The following PKDREJ variants were observed in gnomAD, a reference collection of about 807,000 sequenced individuals.
The protein encoded by PKDREJ is polycystin family receptor for egg jelly.
For synonymous variants in PKDREJ, 1,031 were observed against 1,095.5 expected (o/e 0.94, Z 1.16); for missense variants, 2,507 against 2,807.2 (o/e 0.89, Z 2.42).
In PKDREJ at chr22:46,261,993, A is replaced by AT; in HGVS notation, c.1329_1330insA (p.Ser444IlefsTer2). 6.2e-7 allele frequency: 1 copy of AT among 1,614,110 alleles called. No individual in the cohort carries two copies. The highest frequency in any genetic ancestry group is 8.5e-7 in the Non-Finnish European group (1 of 1,180,014). On this transcript the variant is annotated frameshift_variant, in exon 1 of 1. Coordinates refer to ENST00000253255, the MANE Select transcript of PKDREJ (RefSeq NM_006071.2). LOFTEE classifies it low-confidence loss of function (END_TRUNC). This position sits in a 1 kb window ranked among gnomAD's most constrained non-coding sequence, Gnocchi z 7.1. ...TGGAGCACGTGGACCCTCTTATCAGAAAACGCTGTCCTAGAGTCCTTCCGA... is the reference window on the plus strand; with the variant it reads ...TGGAGCACGTGGACCCTCTTATCAGATAAACGCTGTCCTAGAGTCCTTCCGA...
At position 46,256,612 on chromosome 22, in the gene PKDREJ, C is replaced by T. The variant is rs1385980142; in HGVS notation, c.6711G>A (p.Gly2237=). Residue 2237 remains glycine, a synonymous_variant, in exon 1 of 1, where the codon GGG becomes GGA. Coordinates refer to ENST00000253255, the MANE Select transcript of PKDREJ (RefSeq NM_006071.2). This position sits in a 1 kb window ranked among gnomAD's most constrained non-coding sequence, Gnocchi z 5.3. The part of the protein sequence containing the change: ...QPEKNSHRYL[G]LKTRNINGKK... ...TCCCGTTGATGTTTCTGGTCTTCAG[C>T]CCCAGATAACGGTGGCTGTTCTTCT... The T allele has an allele frequency of 3.1e-6, 5 of 1,614,084 alleles. No individual in the cohort carries two copies. Among genetic ancestry groups the T allele is most frequent in the Non-Finnish European group, 4.2e-6 (5 of 1,179,998 alleles).
Position 46,260,509 on chromosome 22 carries a change from A to G in PKDREJ, c.2814T>C (p.Asp938=), listed in dbSNP as rs768201633. 2.5e-6 allele frequency: 4 copies of G among 1,614,068 alleles called. No individual in the cohort carries two copies. The highest frequency in any genetic ancestry group is 3.4e-6 in the Non-Finnish European group (4 of 1,180,034). The change falls in exon 1 of 1, where the codon GAT becomes GAC. Residue 938 remains aspartate (D), a synonymous_variant. Transcript: ENST00000253255. The surrounding 1 kb of genome is among the most constrained non-coding windows in gnomAD (Gnocchi z 4.5). ...VSGFRMTGVA[D]NGSVLEITPD... ...GTGTGATCTCTAGCACACTACCGTT[A>G]TCTGCAACTCCTGTCATTCTGAATC...
rs1010594431 is a variant in PKDREJ at position 46,260,123 on chromosome 22, G to A, written c.3200C>T (p.Ala1067Val). 45 of 1,613,582 alleles carry A rather than the reference G, an allele frequency of 2.8e-5. No homozygotes were observed. Among genetic ancestry groups the A allele is most frequent in the Non-Finnish European group, 3.6e-5 (43 of 1,179,798 alleles). Residue 1067 changes from alanine to valine, a missense_variant, in exon 1 of 1, where the codon GCT becomes GTT. Transcript: ENST00000253255. This position sits in a 1 kb window ranked among gnomAD's most constrained non-coding sequence, Gnocchi z 4.5. ...CLPVSLLQLI[A>V]QHSHSPHCTV... ...ACAGTGGGGAGAGTGGCTGTGCTGAGCTATGAGTTGCAGCAGGGACACAGG... is the reference window on the plus strand; with the variant it reads ...ACAGTGGGGAGAGTGGCTGTGCTGAACTATGAGTTGCAGCAGGGACACAGG...
At position 46,257,459 on chromosome 22, in the gene PKDREJ, GC is replaced by G. The variant is rs1315404644; in HGVS notation, c.5863del (p.Ala1955LeufsTer22). 1 of 1,613,934 alleles carries G rather than the reference GC, an allele frequency of 6.2e-7. No individual in the cohort carries two copies. The highest frequency in any genetic ancestry group is 8.5e-7 in the Non-Finnish European group (1 of 1,180,012). ...TSISLHSFSL[A>X]DFDRKASAEI... The stretch of plus-strand genomic sequence containing the variant: ...TGCTGAAGCTTTTCTGTCAAAATCA[GC>G]AAGTGAAAAAGAGTGCAGAGATATG... On this transcript the variant is annotated frameshift_variant, in exon 1 of 1. Coordinates refer to ENST00000253255, the MANE Select transcript of PKDREJ (RefSeq NM_006071.2). LOFTEE classifies it low-confidence loss of function (END_TRUNC). This position sits in a 1 kb window ranked among gnomAD's most constrained non-coding sequence, Gnocchi z 4.7.
Position 46,258,184 on chromosome 22 carries a change from G to A in PKDREJ, c.5139C>T (p.Tyr1713=), listed in dbSNP as rs187147652. Residue 1713 remains tyrosine, a synonymous_variant, in exon 1 of 1, where the codon TAC becomes TAT. Coordinates refer to ENST00000253255, the MANE Select transcript of PKDREJ (RefSeq NM_006071.2). This position sits in a 1 kb window ranked among gnomAD's most constrained non-coding sequence, Gnocchi z 6.1. ...CTAGAAAGATAAAGTGAGTTAGAATGTAACTCAGAAACAGGAGTGCTCTTC... is the reference window on the plus strand; with the variant it reads ...CTAGAAAGATAAAGTGAGTTAGAATATAACTCAGAAACAGGAGTGCTCTTC... ...IKRRALLFLS[Y]ILTHFIFLAL... 10 of 1,613,994 alleles carry A rather than the reference G, an allele frequency of 6.2e-6. No homozygotes were observed. Among genetic ancestry groups the A allele is most frequent in the Non-Finnish European group, 8.5e-6 (10 of 1,179,844 alleles).
rs748473511 is a variant in PKDREJ, at chr22:46,257,734, C to T, written c.5589G>A (p.Thr1863=). 27 of 1,614,034 alleles carry T rather than the reference C, an allele frequency of 1.7e-5. No homozygotes were observed. The South Asian group carries it at 2.6e-4, about 16-fold the overall frequency. Reference sequence around the variant, plus strand: ...GTCCATAGGAATAATATAGCCATTGCGTTCCTTGAGGCTTATAAGTAAATC... The same window carrying T: ...GTCCATAGGAATAATATAGCCATTGTGTTCCTTGAGGCTTATAAGTAAATC... ...TNGFTYKPQG[T]QWLYYSYGLL... is the part of the protein sequence containing the mutation. The change falls in exon 1 of 1, where the codon ACG becomes ACA. Residue 1863 remains threonine, a synonymous_variant. Transcript: ENST00000253255. This position sits in a 1 kb window ranked among gnomAD's most constrained non-coding sequence, Gnocchi z 4.7.
In PKDREJ at chr22:46,257,449, G is replaced by A. The variant is rs748062347; in HGVS notation, c.5874C>T (p.Asp1958=). The A allele has an allele frequency of 6.2e-7, 1 of 1,614,018 alleles. No individual in the cohort carries two copies. Among genetic ancestry groups the A allele is most frequent in the Non-Finnish European group, 8.5e-7 (1 of 1,180,014 alleles). ...AGTAGATTTCTGCTGAAGCTTTTCTGTCAAAATCAGCAAGTGAAAAAGAGT... is the reference window on the plus strand; with the variant it reads ...AGTAGATTTCTGCTGAAGCTTTTCTATCAAAATCAGCAAGTGAAAAAGAGT... ...SLHSFSLADF[D]RKASAEIYLY... The change falls in exon 1 of 1, where the codon GAC becomes GAT. Residue 1958 remains aspartate (D), a synonymous_variant. Transcript: ENST00000253255. The surrounding 1 kb of genome is among the most constrained non-coding windows in gnomAD (Gnocchi z 4.7).
chr22:46,258,612 C>A lies in PKDREJ; in HGVS notation c.4711G>T (p.Val1571Phe). 6.2e-7 allele frequency: 1 copy of A among 1,614,172 alleles called. No homozygotes were observed. The highest frequency in any genetic ancestry group is 8.5e-7 in the Non-Finnish European group (1 of 1,180,026). Residue 1571 changes from valine to phenylalanine, a missense_variant, in exon 1 of 1, where the codon GTC becomes TTC. By Grantham distance (50) the Val-to-Phe change is conservative (BLOSUM62 -1). Transcript: ENST00000253255. The surrounding 1 kb of genome is among the most constrained non-coding windows in gnomAD (Gnocchi z 6.1). ...ACATAAACACACCACCAAGGTAGGA[C>A]GATCCGGGGCTTTTTCTTAAGCTGC... Reference protein sequence around the residue: ...LQQLKKKPRIVLPWWCVYVAW... With the variant: ...LQQLKKKPRIFLPWWCVYVAW...
In PKDREJ at chr22:46,262,926, G is replaced by A. The variant is rs1478104662; in HGVS notation, c.397C>T (p.Pro133Ser). Reference sequence around the variant, plus strand: ...CAGGCCAGGCGCCCGGGCGAGCGCGGCAGCCGCACGGACCACGTCAGGGAG... The same window carrying A: ...CAGGCCAGGCGCCCGGGCGAGCGCGACAGCCGCACGGACCACGTCAGGGAG... ...RLSLTWSVRL[P>S]RSPGRLAWAF... is the part of the protein sequence containing the mutation. The change falls in exon 1 of 1, where the codon CCG (proline) becomes TCG (serine). Residue 133 changes from proline (P) to serine (S), a missense_variant. Physicochemically the swap from Pro to Ser is moderately conservative, Grantham distance 74 (BLOSUM62 -1). Coordinates refer to ENST00000253255, the MANE Select transcript of PKDREJ (RefSeq NM_006071.2). This position sits in a 1 kb window ranked among gnomAD's most constrained non-coding sequence, Gnocchi z 8.1. 16 of 1,081,818 alleles carry A rather than the reference G, an allele frequency of 1.5e-5. No homozygotes were observed. In the South Asian group the frequency reaches 6.5e-4, roughly 44 times the overall value. 67.0% of individuals were successfully genotyped at this position (1,081,818 alleles called of 1,614,324 possible).
Position 46,261,739 on chromosome 22 carries a change from C to G in PKDREJ, c.1584G>C (p.Arg528=). Residue 528 remains arginine, a synonymous_variant, in exon 1 of 1, where the codon CGG becomes CGC. Transcript: ENST00000253255. The surrounding 1 kb of genome is among the most constrained non-coding windows in gnomAD (Gnocchi z 7.1). Reference sequence around the variant, plus strand: ...TCGAAAACTCAGCTTCCAAAAAATGCCGAAAAGCAAAAGCTTTTATAGACA... The same window carrying G: ...TCGAAAACTCAGCTTCCAAAAAATGGCGAAAAGCAAAAGCTTTTATAGACA... The part of the protein sequence containing the change: ...AYLSIKAFAF[R]HFLEAEFSIS... The G allele has an allele frequency of 6.2e-7, 1 of 1,613,952 alleles. No individual in the cohort carries two copies. The highest frequency in any genetic ancestry group is 8.5e-7 in the Non-Finnish European group (1 of 1,179,978).
chr22:46,256,870 G>C lies in PKDREJ; in HGVS notation c.6453C>G (p.Phe2151Leu). Residue 2151 changes from phenylalanine to leucine, a missense_variant, in exon 1 of 1, where the codon TTC becomes TTG. Phe to Leu is a conservative substitution (Grantham distance 22, BLOSUM62 0). Transcript: ENST00000253255. This position sits in a 1 kb window ranked among gnomAD's most constrained non-coding sequence, Gnocchi z 5.3. ...TCATCACCAGCATGAAAGATGAGAG[G>C]AACAGGACCCCCAGAATCCTGTTAT... ...FSNNRILGVL[F>L]LSSFMLVMIC... 1.2e-6 allele frequency: 2 copies of C among 1,614,050 alleles called. No homozygotes were observed. Among genetic ancestry groups the C allele is most frequent in the Non-Finnish European group, 1.7e-6 (2 of 1,180,028 alleles).
chr22:46,262,998 CGGGCGCGGCCGGCCAGGGCAGGCGTT>C lies in PKDREJ; in HGVS notation c.299_324del (p.Gln100ArgfsTer188). ...AGCTGCAGGTCGACGAGCGCGAGCGCGGGCGCGGCCGGCCAGGGCAGGCGTTGGGCGCTGAGCAGGACGCGCAAGTC... is the reference window on the plus strand; with the variant it reads ...AGCTGCAGGTCGACGAGCGCGAGCGCGGGCGCTGAGCAGGACGCGCAAGTC... On this transcript the variant is annotated frameshift_variant, in exon 1 of 1. Coordinates refer to ENST00000253255, the MANE Select transcript of PKDREJ (RefSeq NM_006071.2). LOFTEE classifies it low-confidence loss of function (END_TRUNC). The surrounding 1 kb of genome is among the most constrained non-coding windows in gnomAD (Gnocchi z 8.1). 8.0e-7 allele frequency: 1 copy of C among 1,242,712 alleles called. No homozygotes were observed. The highest frequency in any genetic ancestry group is 1.0e-6 in the Non-Finnish European group (1 of 986,156). 77.0% of individuals were successfully genotyped at this position (1,242,712 alleles called of 1,614,324 possible). A position where few individuals can be genotyped will look rare whatever the true frequency, so the allele number is the denominator to read the frequency against.
rs767741610 is a variant in PKDREJ, at chr22:46,256,590, C to T, written c.6733G>A (p.Gly2245Arg). ...YLGLKTRNIN[G>R]KKMVYLVV ...ACAACAAGGTAAACCATTTTCTTCC[C>T]GTTGATGTTTCTGGTCTTCAGCCCC... Residue 2245 changes from glycine (G) to arginine (R), a missense_variant, in exon 1 of 1, where the codon GGG becomes AGG. Physicochemically the swap from Gly to Arg is moderately radical, Grantham distance 125 (BLOSUM62 -2). Transcript: ENST00000253255. The surrounding 1 kb of genome is among the most constrained non-coding windows in gnomAD (Gnocchi z 5.3). 8 of 1,613,518 alleles carry T rather than the reference C, an allele frequency of 5.0e-6. No individual in the cohort carries two copies. The highest frequency in any genetic ancestry group is 3.3e-5 in the South Asian group (3 of 90,972).
At position 46,260,871 on chromosome 22, in the gene PKDREJ, GA is replaced by G. The variant is rs1936688666; in HGVS notation, c.2451del (p.Met820Ter). 6.2e-7 allele frequency: 1 copy of G among 1,613,700 alleles called. No individual in the cohort carries two copies. Among genetic ancestry groups the G allele is most frequent in the Non-Finnish European group, 8.5e-7 (1 of 1,179,590 alleles). ...STGILMSLSN[I>X]LKMTSPHQVV... ...ACTTGGTGAGGAGAAGTCATTTTAA[GA>G]ATATTAGACAAACTCATTAGTATTC... On this transcript the variant is annotated frameshift_variant, in exon 1 of 1. Coordinates refer to ENST00000253255, the MANE Select transcript of PKDREJ (RefSeq NM_006071.2). LOFTEE classifies it low-confidence loss of function (END_TRUNC). The surrounding 1 kb of genome is among the most constrained non-coding windows in gnomAD (Gnocchi z 4.5).
In PKDREJ at chr22:46,261,870, A is replaced by G. The variant is rs749688540; in HGVS notation, c.1453T>C (p.Cys485Arg). 13 of 1,613,722 alleles carry G rather than the reference A, an allele frequency of 8.1e-6. No individual in the cohort carries two copies. Among genetic ancestry groups the G allele is most frequent in the Non-Finnish European group, 1.1e-5 (13 of 1,179,970 alleles). Residue 485 changes from cysteine to arginine, a missense_variant, in exon 1 of 1, where the codon TGT becomes CGT. Coordinates refer to ENST00000253255, the MANE Select transcript of PKDREJ (RefSeq NM_006071.2). This position sits in a 1 kb window ranked among gnomAD's most constrained non-coding sequence, Gnocchi z 7.1. ...RFSLFLNCTN[C>R]ASRDFYKWSI... ...CATTTATAGAAATCACGGCTTGCAC[A>G]ATTTGTGCAATTTAGGAACAAAGAA... is the stretch of plus-strand genomic sequence containing the variant.
In PKDREJ at chr22:46,261,736, A is replaced by T; in HGVS notation, c.1587T>A (p.His529Gln). Residue 529 changes from histidine to glutamine, a missense_variant, in exon 1 of 1, where the codon CAT becomes CAA. Physicochemically the swap from His to Gln is conservative, Grantham distance 24. Coordinates refer to ENST00000253255, the MANE Select transcript of PKDREJ (RefSeq NM_006071.2). The surrounding 1 kb of genome is among the most constrained non-coding windows in gnomAD (Gnocchi z 7.1). ...AAATCGAAAACTCAGCTTCCAAAAAATGCCGAAAAGCAAAAGCTTTTATAG... is the reference window on the plus strand; with the variant it reads ...AAATCGAAAACTCAGCTTCCAAAAATTGCCGAAAAGCAAAAGCTTTTATAG... ...YLSIKAFAFR[H>Q]FLEAEFSISL... The T allele has an allele frequency of 6.2e-7, 1 of 1,614,126 alleles. No homozygotes were observed. The highest frequency in any genetic ancestry group is 8.5e-7 in the Non-Finnish European group (1 of 1,180,028).
In PKDREJ at chr22:46,261,559, C is replaced by T. The variant is rs1337352124; in HGVS notation, c.1764G>A (p.Arg588=). The change falls in exon 1 of 1, where the codon AGG becomes AGA. Residue 588 remains arginine (R), a synonymous_variant. Transcript: ENST00000253255. This position sits in a 1 kb window ranked among gnomAD's most constrained non-coding sequence, Gnocchi z 7.1. ...TKFVVQCSNF[R]DKHVPLTYKI... is the part of the protein sequence containing the mutation. ...TATATGTAAGAGGGACGTGCTTATCCCTAAAATTACTACACTGGACAACAA... is the reference window on the plus strand; with the variant it reads ...TATATGTAAGAGGGACGTGCTTATCTCTAAAATTACTACACTGGACAACAA... The T allele has an allele frequency of 2.5e-6, 4 of 1,613,934 alleles. No individual in the cohort carries two copies. In the East Asian group the frequency reaches 8.9e-5, roughly 36 times the overall value.
chr22:46,259,054 G>T lies in PKDREJ; in HGVS notation c.4269C>A (p.Tyr1423Ter). The change falls in exon 1 of 1, where the codon TAC becomes TAA. Residue 1423 changes from tyrosine to a stop codon, truncating the protein, a stop_gained. Transcript: ENST00000253255. LOFTEE classifies it low-confidence loss of function (END_TRUNC). The surrounding 1 kb of genome is among the most constrained non-coding windows in gnomAD (Gnocchi z 6.8). ...CAATTCCTATCATCATTGATCTCAT[G>T]TATTTCCTCTCTCTTGACTCAGTTT... The part of the protein sequence containing the change: ...QEQTESRERK[Y>*]MRSMMIGIES... The T allele has an allele frequency of 6.2e-7, 1 of 1,613,732 alleles. No homozygotes were observed.
At position 46,260,254 on chromosome 22, in the gene PKDREJ, C is replaced by G. The variant is rs191579869; in HGVS notation, c.3069G>C (p.Ala1023=). 2 of 1,614,136 alleles carry G rather than the reference C, an allele frequency of 1.2e-6. No individual in the cohort carries two copies. The highest frequency in any genetic ancestry group is 1.7e-5 in the Admixed American group (1 of 60,018). Residue 1023 remains alanine (A), a synonymous_variant, in exon 1 of 1, where the codon GCG becomes GCC. Transcript: ENST00000253255. The surrounding 1 kb of genome is among the most constrained non-coding windows in gnomAD (Gnocchi z 4.5). ...GAGGCACCAGGAAGGTGGCGACCAGCGCTGTGGGAGTGATCTGACTGCCTG... is the reference window on the plus strand; with the variant it reads ...GAGGCACCAGGAAGGTGGCGACCAGGGCTGTGGGAGTGATCTGACTGCCTG... ...VYTGSQITPT[A]LVATFLVPHD...
Sources: gnomAD v4.1 joint callset for allele counts on GRCh38, gnomAD v4.1.1 for gene constraint, Gnocchi (gnomAD v3.1) non-coding constraint, MANE v1.5 for transcripts, NCBI Gene and HGNC (gene_info 2026-07-23, HGNC 2026-07-21) for gene names.